HRC: variants seen among roughly 807,000 people sequenced by gnomAD.
HRC encodes the protein sarcoplasmic reticulum histidine-rich calcium-binding protein.
In HRC, 41 loss-of-function variants were observed where a neutral mutation model predicts 61.4. That is an observed-to-expected ratio of 0.67 (90% CI 0.52 to 0.87). HRC has a LOEUF of 0.87. Among genes scored for constraint, HRC ranks in the 40% least tolerant of loss-of-function variants. HRC has a pLI of 0.00. For missense variants in HRC, 839 were observed against 885.8 expected (o/e 0.95, Z 0.67); for synonymous variants, 308 against 326.6 (o/e 0.94, Z 0.62).
At chr19:49,152,422 C>T (rs1344650122) in intron 2 of HRC, 44 bp from the exon 3 acceptor site, 2 of 1,567,644 alleles carry the variant, frequency 1.3e-6, no homozygotes, top group Admixed American at 1.7e-5. Context: ...TCTAACGCCA[C>T]TTGGGAGGTA....
At position 49,153,160 on chromosome 19, in the gene HRC, C is replaced by G. The variant is rs976167220; in HGVS notation, c.1902+101G>C. 19 of 839,670 alleles carry G rather than the reference C, an allele frequency of 2.3e-5. No homozygotes were observed. Among genetic ancestry groups the G allele is most frequent in the African/African-American group, 1.5e-4 (9 of 59,808 alleles). The allele number at this position is 839,670 out of a possible 1,614,324, so 52.0% of individuals were successfully genotyped here. A position where few individuals can be genotyped will look rare whatever the true frequency, so the allele number is the denominator to read the frequency against. On this transcript the variant is annotated intron_variant, in intron 2 of 5. Coordinates refer to ENST00000252825, the MANE Select transcript of HRC (RefSeq NM_002152.3). The surrounding 1 kb of genome is among the most constrained non-coding windows in gnomAD (Gnocchi z 4.8). ...GATCTCTTTTCTTTCAGAACTGACC[C>G]TGGCCTGCCCTTGCTCTGAGCCCTC... is the stretch of plus-strand genomic sequence containing the variant.
rs2041368051 is a variant in HRC at position 49,152,244 on chromosome 19, G to A, written c.1971+66C>T. ...TCAGAGGCCAGGATTTAGGGCTGGGGGTCCTCAGAGGGTCCCGGTGCATCC... is the reference window on the plus strand; with the variant it reads ...TCAGAGGCCAGGATTTAGGGCTGGGAGTCCTCAGAGGGTCCCGGTGCATCC... On this transcript the variant is annotated intron_variant, in intron 3 of 5. Transcript: ENST00000252825. 4 of 1,446,110 alleles carry A rather than the reference G, an allele frequency of 2.8e-6. No individual in the cohort carries two copies. The South Asian group carries it at 3.5e-5, about 13-fold the overall frequency. The allele number at this position is 1,446,110 out of a possible 1,614,324, so 89.6% of individuals were successfully genotyped here.
In HRC at chr19:49,154,552, T is replaced by A; in HGVS notation, c.686A>T (p.Asp229Val). Residue 229 changes from aspartate (D) to valine (V), a missense_variant, in exon 1 of 6, where the codon GAT (aspartate) becomes GTT (valine). Asp to Val is a radical substitution (Grantham distance 152). Transcript: ENST00000252825. ...GCTGGGGCCATGATGATGGTGTCCA[T>A]CTGAGACATCCTCATCCTCTTCACT... ...HGSEEDEDVS[D>V]GHHHHGPSHR... is the part of the protein sequence containing the mutation. The A allele has an allele frequency of 6.2e-7, 1 of 1,609,850 alleles. No individual in the cohort carries two copies. The highest frequency in any genetic ancestry group is 8.5e-7 in the Non-Finnish European group (1 of 1,178,672).
rs2041397211 is a variant in HRC at position 49,154,451 on chromosome 19, A to C, written c.787T>G (p.Ser263Ala). The change falls in exon 1 of 6, where the codon TCC becomes GCC. Residue 263 changes from serine (S) to alanine (A), a missense_variant. Coordinates refer to ENST00000252825, the MANE Select transcript of HRC (RefSeq NM_002152.3). ...DDDDDDDDDV[S>A]IEYRHQAHRH... is the part of the protein sequence containing the mutation. ...TGAGCCTGGTGTCTATATTCAATGG[A>C]GACATCATCATCATCATCATCATCA... 6.4e-7 allele frequency: 1 copy of C among 1,563,520 alleles called. No individual in the cohort carries two copies. The highest frequency in any genetic ancestry group is 8.7e-7 in the Non-Finnish European group (1 of 1,152,422).
Position 49,155,069 on chromosome 19 carries a change from G to A in HRC, c.169C>T (p.Leu57Phe), listed in dbSNP as rs1011259746. 1 of 1,614,202 alleles carries A rather than the reference G, an allele frequency of 6.2e-7. No individual in the cohort carries two copies. The highest frequency in any genetic ancestry group is 8.5e-7 in the Non-Finnish European group (1 of 1,180,040). ...CTAGGGCTGTGGAGGTGGTGGCGAAGCTCTGCTGATGCCTCCTCGGAGAGC... is the reference window on the plus strand; with the variant it reads ...CTAGGGCTGTGGAGGTGGTGGCGAAACTCTGCTGATGCCTCCTCGGAGAGC... ...AGLSEEASAE[L>F]RHHLHSPRDH... The change falls in exon 1 of 6, where the codon CTT (leucine) becomes TTT (phenylalanine). Residue 57 changes from leucine to phenylalanine, a missense_variant. By Grantham distance (22) the Leu-to-Phe change is conservative (BLOSUM62 0). Coordinates refer to ENST00000252825, the MANE Select transcript of HRC (RefSeq NM_002152.3). The surrounding 1 kb of genome is among the most constrained non-coding windows in gnomAD (Gnocchi z 4.7).
At chr19:49,151,386 G>T (rs2041356857) in intron 5 of HRC, 54 bp from the exon 6 acceptor site, 1 of 1,558,092 alleles carries the variant, frequency 6.4e-7, no homozygotes, top group Non-Finnish European at 8.7e-7. Flanking sequence ...CCCACCCCAG[G>T]ACGCTTAGAG....
intron 4 of HRC, 157 bp downstream of exon 4, chr19:49,151,847 G>C: frequency 1.4e-6 from 1 of 725,154 alleles, no homozygotes; most frequent in Admixed American, 2.5e-5. Flanking sequence ...GGTGTTCCTC[G>C]AGCCAGGCCC....
chr19:49,152,172 C>A, intron 3 of HRC, 114 bp from the exon 4 acceptor site: 1 of 1,286,332 alleles, frequency 7.8e-7, no homozygotes, highest in South Asian at 1.2e-5. Context: ...AGGTTGGAGT[C>A]AGGATCGCTT....
rs201304358 is a variant in HRC at position 49,152,297 on chromosome 19, G to A, written c.1971+13C>T. On this transcript the variant is annotated intron_variant, in intron 3 of 5. Transcript: ENST00000252825. ...AGGCCCAGTGGAGCCTTGAGTGTGAGGTGAGGTCTCACCTGGCACTGGTCG... is the reference window on the plus strand; with the variant it reads ...AGGCCCAGTGGAGCCTTGAGTGTGAAGTGAGGTCTCACCTGGCACTGGTCG... 2.4e-5 allele frequency: 38 copies of A among 1,608,242 alleles called. 1 individual carries two copies. The Admixed American group carries it at 4.9e-4, about 21-fold the overall frequency.
Position 49,152,792 on chromosome 19 carries a change from C to T in HRC, c.1903-414G>A, listed in dbSNP as rs1010839282. On this transcript the variant is annotated intron_variant, in intron 2 of 5. Transcript: ENST00000252825. ...TTCACCGTGTTAGCCAGGATGGTCT[C>T]GATCTCCTGACCTCGTGTTCCGCCC... 3.9e-5 allele frequency among the ~76,000 whole-genome samples: 6 copies of T among 151,922 alleles called. No individual in the cohort carries two copies. The East Asian group carries it at 9.7e-4, about 25-fold the overall frequency.
In HRC at chr19:49,154,454, C is replaced by T. The variant is rs766392665; in HGVS notation, c.784G>A (p.Val262Ile). Residue 262 changes from valine (V) to isoleucine (I), a missense_variant, in exon 1 of 6, where the codon GTC (valine) becomes ATC (isoleucine). By Grantham distance (29) the Val-to-Ile change is conservative. Coordinates refer to ENST00000252825, the MANE Select transcript of HRC (RefSeq NM_002152.3). ...DDDDDDDDDD[V>I]SIEYRHQAHR... The stretch of plus-strand genomic sequence containing the variant: ...GCCTGGTGTCTATATTCAATGGAGA[C>T]ATCATCATCATCATCATCATCATCA... 2.1e-4 allele frequency: 99 copies of T among 466,530 alleles called. No homozygotes were observed. The East Asian group carries it at 4.9e-3, about 23-fold the overall frequency. 28.9% of individuals were successfully genotyped at this position (466,530 alleles called of 1,614,324 possible). A position where few individuals can be genotyped will look rare whatever the true frequency, so the allele number is the denominator to read the frequency against.
At chr19:49,152,910 C>T (rs1244171504) in intron 2 of HRC, among the ~76,000 whole-genome samples, 1 of 152,044 alleles carries the variant, frequency 6.6e-6, no homozygotes, top group African/African-American at 2.4e-5. Context: ...CCCATGTCTC[C>T]CTGTCAGGGT....
chr19:49,151,607 G>T, intron 4 of HRC, 54 bp from the exon 5 acceptor site: 1 of 1,524,898 alleles, frequency 6.6e-7, no homozygotes, highest in Non-Finnish European at 9.1e-7. Context: ...GCAAAATTAG[G>T]CAGCCACTCA....
rs2041365463 is a variant in HRC at position 49,152,038 on chromosome 19, G to C, written c.1992C>G (p.Leu664=). 1.2e-6 allele frequency: 2 copies of C among 1,614,124 alleles called. No homozygotes were observed. Among genetic ancestry groups the C allele is most frequent in the African/African-American group, 1.3e-5 (1 of 74,960 alleles). ...DQCQHCQFCY[L]CPLVCETVCA... is the part of the protein sequence containing the mutation. ...AGACCGTTTCGCAGACCAGCGGGCAGAGATAGCAGAACTGACAGTGCTGGA... is the reference window on the plus strand; with the variant it reads ...AGACCGTTTCGCAGACCAGCGGGCACAGATAGCAGAACTGACAGTGCTGGA... The change falls in exon 4 of 6, where the codon CTC becomes CTG. Residue 664 remains leucine, a synonymous_variant. Transcript: ENST00000252825.
Position 49,154,847 on chromosome 19 carries a change from C to A in HRC, c.391G>T (p.Ala131Ser). The A allele has an allele frequency of 6.2e-7, 1 of 1,614,114 alleles. No homozygotes were observed. ...CTCCCGTGGCCTCTGTGCCCACGGG[C>A]CTGCCCACCATGCTCTGCAAAGACC... ...EEVFAEHGGQARGHRGHGSED... is the reference protein window; with the variant it reads ...EEVFAEHGGQSRGHRGHGSED... The change falls in exon 1 of 6, where the codon GCC becomes TCC. Residue 131 changes from alanine to serine, a missense_variant. Physicochemically the swap from Ala to Ser is moderately conservative, Grantham distance 99 (BLOSUM62 1). Transcript: ENST00000252825.
Position 49,152,324 on chromosome 19 carries a change from A to T in HRC, c.1957T>A (p.Cys653Ser). Residue 653 changes from cysteine (C) to serine (S), a missense_variant, in exon 3 of 6, where the codon TGC (cysteine) becomes AGC (serine). Coordinates refer to ENST00000252825, the MANE Select transcript of HRC (RefSeq NM_002152.3). ...TGAGGTCTCACCTGGCACTGGTCGCAGTGCTCACCCATGTTCTCCTCATCA... is the reference window on the plus strand; with the variant it reads ...TGAGGTCTCACCTGGCACTGGTCGCTGTGCTCACCCATGTTCTCCTCATCA... Reference protein sequence around the residue: ...HCDEENMGEHCDQCQHCQFCY... With the variant: ...HCDEENMGEHSDQCQHCQFCY... The T allele has an allele frequency of 6.2e-7, 1 of 1,613,502 alleles. No homozygotes were observed. The highest frequency in any genetic ancestry group is 1.3e-5 in the African/African-American group (1 of 74,996).
intron 4 of HRC, 61 bp from the exon 5 acceptor site, chr19:49,151,614 C>G (rs901161109): frequency 2.7e-6 from 4 of 1,455,702 alleles, no homozygotes; most frequent in Non-Finnish European, 3.9e-6. Flanking sequence ...TAGGCAGCCA[C>G]TCAGTATAGC....
At chr19:49,151,850 C>T in intron 4 of HRC, 154 bp downstream of exon 4, 1 of 743,272 alleles carries the variant, frequency 1.3e-6, no homozygotes, top group Non-Finnish European at 2.3e-6. Context: ...GTTCCTCGAG[C>T]CAGGCCCCGG....
intron 3 of HRC, 89 bp from the exon 4 acceptor site, chr19:49,152,147 G>T: frequency 7.5e-7 from 1 of 1,332,142 alleles, no homozygotes; most frequent in Non-Finnish European, 1.1e-6. Flanking sequence ...CGGACCAGAG[G>T]CTAGGTCTAG....
Sources: gnomAD v4.1 joint callset for allele counts (sites outside exome capture counted in the v4.1 genomes callset) on GRCh38, gnomAD v4.1.1 for gene constraint, Gnocchi (gnomAD v3.1) non-coding constraint, MANE v1.5 for transcripts, NCBI Gene and HGNC (gene_info 2026-07-23, HGNC 2026-07-21) for gene names.